The following SDK1 variants were observed in gnomAD, a reference collection of about 807,000 sequenced individuals.
SDK1 encodes the protein protein sidekick-1.
In SDK1, 157 loss-of-function variants were observed where a neutral mutation model predicts 245.5. That is an observed-to-expected ratio of 0.64 (90% CI 0.56 to 0.73). The LOEUF is 0.73. SDK1 is among the 30% of genes least tolerant of loss of function. SDK1 has a pLI of 0.00. For missense variants in SDK1, 3,583 were observed against 3,002.3 expected, an observed-to-expected ratio of 1.19 and a Z score of -4.52; for synonymous variants, 1,647 against 1,278.5, an observed-to-expected ratio of 1.29 and a Z score of -6.15.
intron 38 of SDK1, among the ~76,000 whole-genome samples, chr7:4,216,442 A>G (rs1305040568): frequency 6.6e-6 from 1 of 151,908 alleles, no homozygotes; most frequent in Non-Finnish European, 1.5e-5. Flanking sequence ...TGCGTGGGGG[A>G]CTCTGAAAAA....
intron 1 of SDK1, among the ~76,000 whole-genome samples, chr7:3,303,830 G>C (rs541756080): frequency 6.6e-6 from 1 of 152,252 alleles, no homozygotes; most frequent in South Asian, 2.1e-4. Flanking sequence ...TCTTGAAAAT[G>C]AAAATTCTGG....
chr7:3,506,221 T>A (rs1782388280), intron 1 of SDK1, among the ~76,000 whole-genome samples: 1 of 152,144 alleles, frequency 6.6e-6, no homozygotes, highest in African/African-American at 2.4e-5. Flanking sequence ...TTGGTACTAT[T>A]TTTGAATGAC....
chr7:4,248,210 G>C (rs900814544), intron 44 of SDK1, among the ~76,000 whole-genome samples: 1 of 151,910 alleles, frequency 6.6e-6, no homozygotes, highest in Non-Finnish European at 1.5e-5. Context: ...ATACACACCT[G>C]AATACATGCA....
chr7:4,081,298 C>T (rs1223490856), intron 22 of SDK1, among the ~76,000 whole-genome samples: 2 of 152,184 alleles, frequency 1.3e-5, no homozygotes, highest in Non-Finnish European at 2.9e-5. Context: ...TGTGTCACTG[C>T]AGGAGAGTCT....
chr7:3,485,686 T>TTG (rs1554278470), intron 1 of SDK1, among the ~76,000 whole-genome samples: 2 of 134,284 alleles, frequency 1.5e-5, no homozygotes, highest in African/African-American at 5.9e-5. Context: ...TTGGAGGGTT[T>TTG]TTTTTTTTTT....
chr7:3,396,765 A>T (rs1319174109), intron 1 of SDK1, among the ~76,000 whole-genome samples: 1 of 151,760 alleles, frequency 6.6e-6, no homozygotes, highest in Non-Finnish European at 1.5e-5. Context: ...TCTTCCAGAC[A>T]GCATATGGTT....
intron 17 of SDK1, among the ~76,000 whole-genome samples, chr7:4,039,360 A>G (rs562770118): frequency 3.9e-5 from 6 of 152,260 alleles, no homozygotes; most frequent in Admixed American, 6.5e-5. Flanking sequence ...ATGCAACAGT[A>G]TTAAAAATAT....
intron 41 of SDK1, among the ~76,000 whole-genome samples, chr7:4,236,957 A>T (rs1786204895): frequency 6.6e-6 from 1 of 152,026 alleles, no homozygotes; most frequent in South Asian, 2.1e-4. Context: ...CCCAGGCTGG[A>T]GTGCAGTGCT....
intron 32 of SDK1, among the ~76,000 whole-genome samples, chr7:4,172,029 A>C (rs1781873083): frequency 6.6e-6 from 1 of 152,296 alleles, no homozygotes; most frequent in African/African-American, 2.4e-5. Context: ...TCCAGGCTGG[A>C]GTAGTGTCTA....
At position 3,619,105 on chromosome 7, in the gene SDK1, G is replaced by C; in HGVS notation, c.324G>C (p.Thr108=). The C allele has an allele frequency of 6.3e-7, 1 of 1,595,578 alleles. No homozygotes were observed. Among genetic ancestry groups the C allele is most frequent in the Non-Finnish European group, 8.6e-7 (1 of 1,167,640 alleles). The change falls in exon 2 of 45, where the codon ACG becomes ACC. Residue 108 remains threonine (T), a synonymous_variant. Coordinates refer to ENST00000404826, the MANE Select transcript of SDK1 (RefSeq NM_152744.4). ...AQDDVAPYFK[T]EPGLPQIHLE... is the part of the protein sequence containing the mutation. ...ATGATGTTGCTCCATATTTTAAAAC[G>C]GAGCCAGGCCTACCACAGATCCACC...
intron 28 of SDK1, among the ~76,000 whole-genome samples, chr7:4,139,030 G>A (rs1006053987): frequency 6.6e-6 from 1 of 152,260 alleles, no homozygotes; most frequent in Non-Finnish European, 1.5e-5. Context: ...CTGAGAGGCA[G>A]TGGGCGCACA....
In SDK1 at chr7:4,248,961, T is replaced by C. The variant is rs548624062; in HGVS notation, c.6381+3156T>C. Among the ~76,000 whole-genome samples the C allele has an allele frequency of 1.4e-4, 21 of 147,810 alleles. No homozygotes were observed. In the East Asian group the frequency reaches 3.1e-3, roughly 22 times the overall value. ...CATGCACAACACATACATACCTAAA[T>C]ACACACATACACATATGTACATACA... On this transcript the variant is annotated intron_variant, in intron 44 of 44. Transcript: ENST00000404826.
intron 27 of SDK1, among the ~76,000 whole-genome samples, chr7:4,130,922 G>A (rs903739941): frequency 3.9e-5 from 6 of 152,212 alleles, no homozygotes; most frequent in East Asian, 1.9e-4. Context: ...AAATGAGCCC[G>A]AAAGTCCTCT....
Position 3,621,261 on chromosome 7 carries a change from A to G in SDK1, c.458+2022A>G, listed in dbSNP as rs150476761. ...GAGAACCATGTTTGAGTAGTGACTG[A>G]TAACAGAAGACTGGAGTTCAGGGAC... On this transcript the variant is annotated intron_variant, in intron 2 of 44. Coordinates refer to ENST00000404826, the MANE Select transcript of SDK1 (RefSeq NM_152744.4). Among the ~76,000 whole-genome samples, 11 of 152,312 alleles carry G rather than the reference A, an allele frequency of 7.2e-5. 1 individual carries two copies. The highest frequency in any genetic ancestry group is 2.4e-4 in the African/African-American group (10 of 41,572).
chr7:4,147,174 G>A (rs1256673966), intron 29 of SDK1, among the ~76,000 whole-genome samples: 7 of 152,162 alleles, frequency 4.6e-5, no homozygotes, highest in East Asian at 1.9e-4. Flanking sequence ...TTCTGGCCAC[G>A]CTCCTATTTT....
At chr7:3,692,679 G>A (rs1039837548) in intron 4 of SDK1, among the ~76,000 whole-genome samples, 39 of 151,560 alleles carry the variant, frequency 2.6e-4, no homozygotes, top group African/African-American at 9.0e-4. Context: ...TGGTCAAAGG[G>A]TATAAATATT....
At chr7:4,050,612 T>C (rs1463920520) in intron 18 of SDK1, among the ~76,000 whole-genome samples, 1 of 152,162 alleles carries the variant, frequency 6.6e-6, no homozygotes, top group Non-Finnish European at 1.5e-5. Flanking sequence ...ATGAACACGC[T>C]TTCCTTAGGT....
At chr7:3,863,496 T>C (rs959482232) in intron 5 of SDK1, among the ~76,000 whole-genome samples, 4 of 152,200 alleles carry the variant, frequency 2.6e-5, no homozygotes, top group Non-Finnish European at 5.9e-5. Context: ...ATTCATATTG[T>C]TGCACCACCA....
rs200265241 is a variant in SDK1, at chr7:3,814,782, A to G, written c.714-6668A>G. Among the ~76,000 whole-genome samples, 195 of 149,324 alleles carry G rather than the reference A, an allele frequency of 1.3e-3. 6 individuals carry two copies. In the East Asian group the frequency reaches 0.035, roughly 27 times the overall value. On this transcript the variant is annotated intron_variant, in intron 4 of 44. Coordinates refer to ENST00000404826, the MANE Select transcript of SDK1 (RefSeq NM_152744.4). Reference sequence around the variant, plus strand: ...CTTCCATTTGTTTGTATCCTCTTTTATTTCCTTGAGCAGTGGTTTGTAGTT... The same window carrying G: ...CTTCCATTTGTTTGTATCCTCTTTTGTTTCCTTGAGCAGTGGTTTGTAGTT...
Sources: allele counts gnomAD v4.1 joint callset (sites outside exome capture counted in the v4.1 genomes callset), GRCh38; gene constraint gnomAD v4.1.1; transcripts MANE v1.5; gene names NCBI Gene and HGNC (gene_info 2026-07-23, HGNC 2026-07-21).